The following PDZRN4 variants were observed in gnomAD, a reference collection of about 807,000 sequenced individuals.
The protein encoded by PDZRN4 is PDZ domain containing ring finger 4, also known as PDZ domain-containing RING finger protein 4.
A neutral mutation model predicts 99.0 loss-of-function variants in PDZRN4; 70 were observed. That is an observed-to-expected ratio of 0.71 (90% CI 0.58 to 0.86). PDZRN4 has a LOEUF of 0.86. Among genes scored for constraint, PDZRN4 ranks in the 40% least tolerant of loss-of-function variants. The probability of loss-of-function intolerance (pLI) is 0.00; values close to 1 mark genes in which losing one functional copy is unlikely to be tolerated. For synonymous variants in PDZRN4, 551 were observed against 501.6 expected (o/e 1.10, Z -1.32); for missense variants, 1,474 against 1,331.2 (o/e 1.11, Z -1.67).
chr12:41,469,672 C>T (rs1952966188), intron 3 of PDZRN4, among the ~76,000 whole-genome samples: 3 of 152,202 alleles, frequency 2.0e-5, no homozygotes, highest in African/African-American at 4.8e-5. Context: ...TGGCTCACGC[C>T]TGTAATCCCA....
At chr12:41,393,424 G>C (rs1167887575) in intron 3 of PDZRN4, among the ~76,000 whole-genome samples, 1 of 151,922 alleles carries the variant, frequency 6.6e-6, no homozygotes, top group Non-Finnish European at 1.5e-5. Context: ...GTAGGATGCT[G>C]ATGCCTCACT....
At chr12:41,212,732 G>T (rs577422566) in intron 3 of PDZRN4, among the ~76,000 whole-genome samples, 1 of 151,986 alleles carries the variant, frequency 6.6e-6, no homozygotes, top group Non-Finnish European at 1.5e-5. Context: ...GGGAAATATT[G>T]GATGTAGAGT....
intron 3 of PDZRN4, among the ~76,000 whole-genome samples, chr12:41,257,069 T>C (rs188840307): frequency 3.3e-4 from 51 of 152,312 alleles, no homozygotes; most frequent in Admixed American, 9.2e-4. Context: ...CATCTACTTA[T>C]ACTCACTTCC....
In PDZRN4 at chr12:41,259,090, A is replaced by C. The variant is rs187256387; in HGVS notation, c.843+64902A>C. Among the ~76,000 whole-genome samples the C allele has an allele frequency of 3.8e-3, 580 of 152,282 alleles. 5 individuals carry two copies. Among genetic ancestry groups the C allele is most frequent in the Non-Finnish European group, 4.3e-3 (294 of 67,982 alleles). The stretch of plus-strand genomic sequence containing the variant: ...AAATACACACATAAAAGACACGGGA[A>C]GCAAACTTACCAAAAGTATAATGGA... On this transcript the variant is annotated intron_variant, in intron 3 of 9. Transcript: ENST00000402685.
intron 3 of PDZRN4, among the ~76,000 whole-genome samples, chr12:41,319,168 C>T (rs1433661341): frequency 1.3e-5 from 2 of 152,154 alleles, no homozygotes; most frequent in East Asian, 1.9e-4. Flanking sequence ...CAACAGAGAC[C>T]TTAACCTCCC....
chr12:41,453,930 G>T (rs1952796907), intron 3 of PDZRN4, among the ~76,000 whole-genome samples: 1 of 43,976 alleles, frequency 2.3e-5, no homozygotes, highest in African/African-American at 1.4e-4. Flanking sequence ...CTTCTGAAAT[G>T]TTTGATCTTT....
intron 3 of PDZRN4, among the ~76,000 whole-genome samples, chr12:41,203,502 G>GA (rs897023434): frequency 1.1e-4 from 16 of 152,070 alleles, no homozygotes; most frequent in East Asian, 3.9e-4. Flanking sequence ...CGATTAACCT[G>GA]AAAAAATTGT....
intron 3 of PDZRN4, among the ~76,000 whole-genome samples, chr12:41,385,220 G>T (rs1304680586): frequency 6.6e-6 from 1 of 152,150 alleles, no homozygotes; most frequent in Non-Finnish European, 1.5e-5. Flanking sequence ...ATTCTGGGGA[G>T]GAGTTGCACA....
intron 3 of PDZRN4, among the ~76,000 whole-genome samples, chr12:41,246,706 C>T (rs1284112657): frequency 6.6e-6 from 1 of 152,116 alleles, no homozygotes. Flanking sequence ...TATGAACCTT[C>T]CCATTCAGTG....
intron 3 of PDZRN4, among the ~76,000 whole-genome samples, chr12:41,281,121 G>A (rs772142854): frequency 1.4e-5 from 2 of 147,964 alleles, no homozygotes; most frequent in East Asian, 4.0e-4. Flanking sequence ...GCAGGAGAAG[G>A]GCCTGACTGT....
At chr12:41,267,884 G>A (rs961339977) in intron 3 of PDZRN4, among the ~76,000 whole-genome samples, 1 of 151,942 alleles carries the variant, frequency 6.6e-6, no homozygotes, top group Non-Finnish European at 1.5e-5. Flanking sequence ...GAAGGTGTGA[G>A]TAAGAAAGTT....
chr12:41,320,297 C>T (rs773209990), intron 3 of PDZRN4, among the ~76,000 whole-genome samples: 3 of 152,112 alleles, frequency 2.0e-5, no homozygotes, highest in Non-Finnish European at 2.9e-5. Flanking sequence ...AGATGTGCCC[C>T]GGGAGCAATA....
chr12:41,515,152 G>C (rs1938378845), intron 5 of PDZRN4, among the ~76,000 whole-genome samples: 1 of 152,006 alleles, frequency 6.6e-6, no homozygotes, highest in Admixed American at 6.6e-5. Flanking sequence ...CTGATCTTGA[G>C]AGAGGCAAAC....
chr12:41,240,788 C>A (rs1335892893), intron 3 of PDZRN4, among the ~76,000 whole-genome samples: 1 of 152,108 alleles, frequency 6.6e-6, no homozygotes, highest in Non-Finnish European at 1.5e-5. Flanking sequence ...GATATAAGCG[C>A]ACTAATCCTA....
intron 3 of PDZRN4, among the ~76,000 whole-genome samples, chr12:41,296,968 A>G (rs1951499434): frequency 6.6e-6 from 1 of 152,158 alleles, no homozygotes; most frequent in South Asian, 2.1e-4. Context: ...AAAAAACAAA[A>G]ACAAAAACAA....
chr12:41,208,665 TA>T (rs1950866618), intron 3 of PDZRN4, among the ~76,000 whole-genome samples: 1 of 151,912 alleles, frequency 6.6e-6, no homozygotes, highest in African/African-American at 2.4e-5. Context: ...TTTTGTTTAA[TA>T]AAAGCTTGAA....
intron 1 of PDZRN4, 42 bp from the exon 2 acceptor site, chr12:41,191,416 A>G: frequency 2.1e-6 from 2 of 962,908 alleles, no homozygotes; most frequent in East Asian, 2.4e-5. Context: ...TTTTTCTTTT[A>G]TATTTTTACC....
At chr12:41,379,557 C>T (rs1334276467) in intron 3 of PDZRN4, among the ~76,000 whole-genome samples, 2 of 151,232 alleles carry the variant, frequency 1.3e-5, no homozygotes, top group Non-Finnish European at 3.0e-5. Context: ...TCATTTTTTC[C>T]ATTTTTGTTC....
At chr12:41,549,966 T>G (rs1268854071) in intron 5 of PDZRN4, among the ~76,000 whole-genome samples, 3 of 152,194 alleles carry the variant, frequency 2.0e-5, no homozygotes, top group Non-Finnish European at 4.4e-5. Flanking sequence ...CAGTTTTGGT[T>G]TGGTCCAAGG....
Sources: allele counts gnomAD v4.1 joint callset (sites outside exome capture counted in the v4.1 genomes callset), GRCh38; gene constraint gnomAD v4.1.1; transcripts MANE v1.5; gene names NCBI Gene and HGNC (gene_info 2026-07-23, HGNC 2026-07-21).